The following GTF2IRD1 variants were observed in gnomAD, a reference collection of about 807,000 sequenced individuals.
GTF2IRD1 encodes the protein general transcription factor II-I repeat domain-containing protein 1.
A neutral mutation model predicts 113.2 loss-of-function variants in GTF2IRD1; 26 were observed. That is an observed-to-expected ratio of 0.23 (90% CI 0.17 to 0.32). The LOEUF is 0.32. Ranked by LOEUF, GTF2IRD1 falls within the 10% of genes least tolerant of loss-of-function variation. GTF2IRD1 has a pLI of 1.00. For synonymous variants in GTF2IRD1, 484 were observed against 529.1 expected, an observed-to-expected ratio of 0.91 and a Z score of 1.17; for missense variants, 864 against 1,280.8, an observed-to-expected ratio of 0.67 and a Z score of 4.97.
intron 1 of GTF2IRD1, chr7:74,506,665 C>T (rs1338678329): frequency 6.6e-6 from 1 of 152,148 alleles, no homozygotes; most frequent in Non-Finnish European, 1.5e-5. Flanking sequence ...GGACAGCTGC[C>T]TTGAGGGCAG....
At chr7:74,520,248 C>T (rs1204196961) in intron 6 of GTF2IRD1, among the ~76,000 whole-genome samples, 3 of 151,984 alleles carry the variant, frequency 2.0e-5, no homozygotes. Context: ...CCACTGCATA[C>T]CCAGCCTGAT....
chr7:74,499,991 C>T (rs1795934053), intron 1 of GTF2IRD1, among the ~76,000 whole-genome samples: 1 of 152,234 alleles, frequency 6.6e-6, no homozygotes, highest in East Asian at 1.9e-4. Context: ...AATGAATGCA[C>T]ACACAGAGGA....
rs368116634 is a variant in GTF2IRD1 at position 74,601,585 on chromosome 7, C to T, written c.2766+405C>T. 6.0e-5 allele frequency: 48 copies of T among 803,736 alleles called. No individual in the cohort carries two copies. The East Asian group carries it at 1.5e-3, about 25-fold the overall frequency. 49.8% of individuals were successfully genotyped at this position (803,736 alleles called of 1,614,324 possible). On this transcript the variant is annotated intron_variant, in intron 26 of 26. Coordinates refer to ENST00000424337, the MANE Select transcript of GTF2IRD1 (RefSeq NM_005685.4). ...GTCAGGAGTTTGAGACCAGGCTGACCAACACGGGGAAACCCCATCTCTACT... is the reference window on the plus strand; with the variant it reads ...GTCAGGAGTTTGAGACCAGGCTGACTAACACGGGGAAACCCCATCTCTACT...
chr7:74,544,825 C>T (rs1798832319), intron 15 of GTF2IRD1, 23 bp downstream of exon 15: 3 of 1,598,820 alleles, frequency 1.9e-6, no homozygotes, highest in Non-Finnish European at 2.6e-6. Context: ...CTACCCCTGA[C>T]ATTTTACACC....
chr7:74,485,894 C>A (rs184667732), intron 1 of GTF2IRD1, among the ~76,000 whole-genome samples: 7 of 152,024 alleles, frequency 4.6e-5, no homozygotes, highest in South Asian at 2.1e-4. Flanking sequence ...CCTCTGCACT[C>A]CAGCCTCGGT....
intron 1 of GTF2IRD1, among the ~76,000 whole-genome samples, chr7:74,496,673 CATGT>C: frequency 6.6e-6 from 1 of 151,766 alleles, no homozygotes; most frequent in East Asian, 1.9e-4. Context: ...AGTGTGCATG[CATGT>C]GTGTGTTGAC....
chr7:74,508,231 G>C (rs782374197), intron 2 of GTF2IRD1, 28 bp downstream of exon 2: 1 of 1,604,062 alleles, frequency 6.2e-7, no homozygotes, highest in Admixed American at 1.7e-5. Context: ...CCCAAGAGGA[G>C]GGGACAGGGT....
Position 74,601,041 on chromosome 7 carries a change from C to T in GTF2IRD1, c.2630-3C>T, listed in dbSNP as rs782530857. The T allele has an allele frequency of 2.5e-6, 4 of 1,614,166 alleles. No individual in the cohort carries two copies. In the South Asian group the frequency reaches 4.4e-5, roughly 18 times the overall value. On this transcript the variant is annotated splice_region_variant and splice_polypyrimidine_tract_variant and intron_variant, in intron 25 of 26. Coordinates refer to ENST00000424337, the MANE Select transcript of GTF2IRD1 (RefSeq NM_005685.4). Reference sequence around the variant, plus strand: ...TGTCAACAGCCTTTTCCCCTCCTTCCAGCCAAAGACAGCAGCATTCCCAAG... The same window carrying T: ...TGTCAACAGCCTTTTCCCCTCCTTCTAGCCAAAGACAGCAGCATTCCCAAG...
chr7:74,568,452 T>C (rs1298750581), intron 22 of GTF2IRD1, among the ~76,000 whole-genome samples: 1 of 147,446 alleles, frequency 6.8e-6, no homozygotes, highest in Non-Finnish European at 1.5e-5. Context: ...ATCAAGACCA[T>C]CCTGGCTAAC....
Position 74,518,197 on chromosome 7 carries a change from G to A in GTF2IRD1, c.480G>A (p.Glu160=), listed in dbSNP as rs782674069. The A allele has an allele frequency of 3.1e-6, 5 of 1,610,812 alleles. No homozygotes were observed. The South Asian group carries it at 5.5e-5, about 18-fold the overall frequency. ...VPLPYERLLR[E]PGLLAVQGLP... ...TGCCCTATGAGAGGCTGCTCAGGGA[G>A]CCAGGGCTGCTGGCCGTGCAGGGGC... The change falls in exon 5 of 27, where the codon GAG becomes GAA. Residue 160 remains glutamate (E), a synonymous_variant. Coordinates refer to ENST00000424337, the MANE Select transcript of GTF2IRD1 (RefSeq NM_005685.4).
At chr7:74,600,926 T>G (rs1802722591) in intron 25 of GTF2IRD1, 118 bp from the exon 26 acceptor site, 1 of 1,115,334 alleles carries the variant, frequency 9.0e-7, no homozygotes, top group Admixed American at 2.0e-5. Flanking sequence ...ATCAGGAGCC[T>G]GAAATCCTGA....
intron 1 of GTF2IRD1, among the ~76,000 whole-genome samples, chr7:74,477,915 A>T (rs1157536376): frequency 6.6e-6 from 1 of 152,172 alleles, no homozygotes; most frequent in Admixed American, 6.5e-5. Flanking sequence ...TATGTCTGGC[A>T]AGCGAAGGGT....
chr7:74,486,066 G>A (rs782693128), intron 1 of GTF2IRD1, among the ~76,000 whole-genome samples: 2 of 151,934 alleles, frequency 1.3e-5, no homozygotes, highest in Non-Finnish European at 2.9e-5. Context: ...CGCCTCCCAG[G>A]TTCAAGCAGT....
intron 24 of GTF2IRD1, among the ~76,000 whole-genome samples, chr7:74,594,542 G>T (rs1802285788): frequency 6.6e-6 from 1 of 152,154 alleles, no homozygotes; most frequent in South Asian, 2.1e-4. Context: ...GGGCCTATAT[G>T]GGGGATGCTC....
Position 74,518,124 on chromosome 7 carries a change from G to T in GTF2IRD1, c.422-15G>T, listed in dbSNP as rs782180810. The T allele has an allele frequency of 2.6e-6, 4 of 1,519,844 alleles. No individual in the cohort carries two copies. The South Asian group carries it at 5.0e-5, about 19-fold the overall frequency. 94.1% of individuals were successfully genotyped at this position (1,519,844 alleles called of 1,614,324 possible). A position where few individuals can be genotyped will look rare whatever the true frequency, so the allele number is the denominator to read the frequency against. ...CCTCTCATACCAGGCCCCTCTCCTG[G>T]ACTCTCCCCTACAGGCGAGGCCCTG... On this transcript the variant is annotated splice_polypyrimidine_tract_variant and intron_variant, in intron 4 of 26. Transcript: ENST00000424337.
intron 16 of GTF2IRD1, among the ~76,000 whole-genome samples, chr7:74,546,167 A>G (rs1798919934): frequency 6.6e-6 from 1 of 150,422 alleles, no homozygotes; most frequent in African/African-American, 2.4e-5. Flanking sequence ...ATAAGATAAG[A>G]TAACCTCAGT....
rs145152464 is a variant in GTF2IRD1, at chr7:74,521,429, A to G, written c.1006+132A>G. The G allele has an allele frequency of 1.6e-3, 1,074 of 671,990 alleles. 3 individuals are homozygous for G. The highest frequency in any genetic ancestry group is 2.5e-3 in the Non-Finnish European group (935 of 372,346). The allele number at this position is 671,990 out of a possible 1,614,324, so 41.6% of individuals were successfully genotyped here. A position where few individuals can be genotyped will look rare whatever the true frequency, so the allele number is the denominator to read the frequency against. On this transcript the variant is annotated intron_variant, in intron 7 of 26. Coordinates refer to ENST00000424337, the MANE Select transcript of GTF2IRD1 (RefSeq NM_005685.4). The stretch of plus-strand genomic sequence containing the variant: ...GGAACAGCTCTGCTCAAGGGGCTGC[A>G]AGTAAACTGGGGTGTAATAGTTATC...
At chr7:74,577,307 G>A (rs782126788) in intron 22 of GTF2IRD1, among the ~76,000 whole-genome samples, 141 of 152,274 alleles carry the variant, frequency 9.3e-4, no homozygotes, top group Non-Finnish European at 1.4e-3. Flanking sequence ...CCAAAGTGGT[G>A]GGATTACAGG....
intron 1 of GTF2IRD1, among the ~76,000 whole-genome samples, chr7:74,491,608 T>C (rs2117230610): frequency 6.6e-6 from 1 of 152,244 alleles, no homozygotes; most frequent in Admixed American, 6.5e-5. Flanking sequence ...GTTAGTTTGC[T>C]AAGGATAATG....
Sources: allele counts gnomAD v4.1 joint callset (sites outside exome capture counted in the v4.1 genomes callset), GRCh38; gene constraint gnomAD v4.1.1; transcripts MANE v1.5; gene names NCBI Gene and HGNC (gene_info 2026-07-23, HGNC 2026-07-21).